The following CASTOR2 variants were observed in gnomAD, a reference collection of about 807,000 sequenced individuals.
CASTOR2 encodes the protein cytosolic arginine sensor for mTORC1 subunit 2.
CASTOR2 carries 8 observed loss-of-function variants against 31.2 expected under a neutral mutation model. The ratio of observed to expected loss-of-function variants is 0.26; its 90% CI spans 0.15 to 0.46. The LOEUF is 0.46. CASTOR2 is among the 20% of genes least tolerant of loss of function. The probability of loss-of-function intolerance (pLI) is 0.99; values close to 1 mark genes in which losing one functional copy is unlikely to be tolerated. For missense variants in CASTOR2, 216 were observed against 382.1 expected (o/e 0.57, Z 3.62); for synonymous variants, 162 against 158.7 (o/e 1.02, Z -0.16).
chr7:75,027,985 G>C lies in CASTOR2; in HGVS notation c.*3286G>C, dbSNP rs1337784491. ...GTTTCTCAGAGGGGCTCCATCCGCA[G>C]TTGCATGGAACTCCTTACCTGTTTG... On this transcript the variant is annotated 3_prime_UTR_variant, in exon 9 of 9. Transcript: ENST00000616305. 2.6e-6 allele frequency: 4 copies of C among 1,526,308 alleles called. No individual in the cohort carries two copies. The highest frequency in any genetic ancestry group is 1.4e-5 in the African/African-American group (1 of 72,806). 94.5% of individuals were successfully genotyped at this position (1,526,308 alleles called of 1,614,324 possible).
At chr7:75,012,952 G>A (rs1193704108) in intron 2 of CASTOR2, among the ~76,000 whole-genome samples, 2 of 152,156 alleles carry the variant, frequency 1.3e-5, no homozygotes, top group African/African-American at 4.8e-5. Flanking sequence ...CAGCCCACTG[G>A]CTAGTTTTTG....
Position 75,027,855 on chromosome 7 carries a change from G to C in CASTOR2, c.*3156G>C. ...GCTCTTCGGGGTGGGGTGTGAGTGT[G>C]GTTTTTCCCAGGCAGGGGCCGTCTG... On this transcript the variant is annotated 3_prime_UTR_variant, in exon 9 of 9. Transcript: ENST00000616305. 1.4e-6 allele frequency: 1 copy of C among 722,750 alleles called. No homozygotes were observed. The highest frequency in any genetic ancestry group is 2.4e-6 in the Non-Finnish European group (1 of 416,636). The allele number at this position is 722,750 out of a possible 1,614,324, so 44.8% of individuals were successfully genotyped here.
chr7:74,993,493 C>T (rs1804262077), intron 1 of CASTOR2, among the ~76,000 whole-genome samples: 1 of 136,098 alleles, frequency 7.3e-6, no homozygotes, highest in Non-Finnish European at 1.5e-5. Context: ...CTGTGTCACC[C>T]AGGCTGGAGT....
chr7:75,015,054 C>T (rs1804836401), intron 2 of CASTOR2, among the ~76,000 whole-genome samples: 1 of 152,248 alleles, frequency 6.6e-6, no homozygotes. Flanking sequence ...CACTGGCTGA[C>T]CACTGGTCCT....
chr7:75,018,494 G>A (rs1235630597), intron 4 of CASTOR2, among the ~76,000 whole-genome samples: 1 of 152,092 alleles, frequency 6.6e-6, no homozygotes, highest in African/African-American at 2.4e-5. Context: ...AGCCGAGATT[G>A]TGCCATTGCA....
Position 74,986,783 on chromosome 7 carries a change from C to A in CASTOR2, c.114-21211C>A, listed in dbSNP as rs1443518996. 3.9e-5 allele frequency among the ~76,000 whole-genome samples: 6 copies of A among 152,190 alleles called. No individual in the cohort carries two copies. In the East Asian group the frequency reaches 1.2e-3, roughly 29 times the overall value. ...TGGTTTGGCCAGGTGCAGTGGCTCA[C>A]GCCTGTCATCCCAGCACTTTGGGAG... On this transcript the variant is annotated intron_variant, in intron 1 of 8. Coordinates refer to ENST00000616305, the MANE Select transcript of CASTOR2 (RefSeq NM_001145064.3).
intron 2 of CASTOR2, among the ~76,000 whole-genome samples, chr7:75,010,670 C>T (rs1254389667): frequency 2.6e-5 from 4 of 152,090 alleles, no homozygotes; most frequent in African/African-American, 4.8e-5. Context: ...ACACAGGGAC[C>T]ACTGGGAAAG....
chr7:75,013,113 G>A (rs1804791392), intron 2 of CASTOR2, among the ~76,000 whole-genome samples: 1 of 152,208 alleles, frequency 6.6e-6, no homozygotes, highest in Non-Finnish European at 1.5e-5. Flanking sequence ...GGGAATGAAG[G>A]CCGGTGCCCT....
At chr7:75,020,791 A>AT (rs1409257278) in intron 6 of CASTOR2, among the ~76,000 whole-genome samples, 6 of 148,870 alleles carry the variant, frequency 4.0e-5, no homozygotes, top group South Asian at 2.1e-4. Context: ...AACCAGCCTG[A>AT]TTTTTTTTAT....
intron 1 of CASTOR2, among the ~76,000 whole-genome samples, chr7:74,997,965 T>A (rs1261568502): frequency 1.3e-5 from 2 of 152,092 alleles, no homozygotes; most frequent in African/African-American, 4.8e-5. Context: ...CAGGTTTTTG[T>A]TACTGAGAAC....
Position 75,028,959 on chromosome 7 carries a change from G to A in CASTOR2, c.*4260G>A, listed in dbSNP as rs1172013166. Among the ~76,000 whole-genome samples, 2 of 152,104 alleles carry A rather than the reference G, an allele frequency of 1.3e-5. No homozygotes were observed. The highest frequency in any genetic ancestry group is 4.8e-5 in the African/African-American group (2 of 41,420). ...CAGGCTGCTGGTGGGAAAGGAAGGAGCTGGGGGATCAGAGGCTTCCAGTGT... is the reference window on the plus strand; with the variant it reads ...CAGGCTGCTGGTGGGAAAGGAAGGAACTGGGGGATCAGAGGCTTCCAGTGT... On this transcript the variant is annotated 3_prime_UTR_variant, in exon 9 of 9. Transcript: ENST00000616305.
Position 75,018,999 on chromosome 7 carries a change from C to T in CASTOR2, c.539C>T (p.Ser180Phe). 1 of 1,552,010 alleles carries T rather than the reference C, an allele frequency of 6.4e-7. No individual in the cohort carries two copies. The highest frequency in any genetic ancestry group is 8.7e-7 in the Non-Finnish European group (1 of 1,147,076). The change falls in exon 5 of 9, where the codon TCC becomes TTC. Residue 180 changes from serine (S) to phenylalanine (F), a missense_variant. Physicochemically the swap from Ser to Phe is radical, Grantham distance 155 (BLOSUM62 -2). This residue lies in a region of CASTOR2 where 114 missense variants were observed against 194.2 expected (regional missense o/e 0.59). Coordinates refer to ENST00000616305, the MANE Select transcript of CASTOR2 (RefSeq NM_001145064.3). ...CAGAGGCCAGTCATCCACCCACTGT[C>T]CAGCCCGAGCAACAGGTTCTGTGTC... ...LVQRPVIHPL[S>F]SPSNRFCVTS... is the part of the protein sequence containing the mutation.
chr7:75,010,375 G>A (rs1181943486), intron 2 of CASTOR2, among the ~76,000 whole-genome samples: 1 of 152,156 alleles, frequency 6.6e-6, no homozygotes, highest in Non-Finnish European at 1.5e-5. Context: ...GCACTGGGGA[G>A]CCACTGAAGG....
rs1804895246 is a variant in CASTOR2, at chr7:75,017,603, C to T, written c.190C>T (p.Pro64Ser). ...CCTTCTGTGTCTCCCTCCAGAGCTGCCCTCCTCGGAGCACCTGAGTGTGGC... is the reference window on the plus strand; with the variant it reads ...CCTTCTGTGTCTCCCTCCAGAGCTGTCCTCCTCGGAGCACCTGAGTGTGGC... ...IVDEEGFLEL[P>S]SSEHLSVADA... The change falls in exon 3 of 9, where the codon CCC becomes TCC. Residue 64 changes from proline (P) to serine (S), a missense_variant. Pro to Ser is a moderately conservative substitution (Grantham distance 74). Around this residue, in one of 5 missense-constraint regions of CASTOR2, gnomAD observed 114 missense variants for 194.2 expected, o/e 0.59. Transcript: ENST00000616305. 6.2e-7 allele frequency: 1 copy of T among 1,613,812 alleles called. No individual in the cohort carries two copies. The highest frequency in any genetic ancestry group is 1.1e-5 in the South Asian group (1 of 91,070).
At chr7:74,971,977 A>T (rs1482028891) in intron 1 of CASTOR2, among the ~76,000 whole-genome samples, 1 of 150,450 alleles carries the variant, frequency 6.6e-6, no homozygotes, top group Non-Finnish European at 1.5e-5. Context: ...ATTAGTATGG[A>T]GACATCTCTT....
At chr7:74,989,768 A>T (rs1554437121) in intron 1 of CASTOR2, among the ~76,000 whole-genome samples, 1 of 152,060 alleles carries the variant, frequency 6.6e-6, no homozygotes, top group Non-Finnish European at 1.5e-5. Flanking sequence ...AGAAAATAGG[A>T]CATAATGTGT....
intron 1 of CASTOR2, among the ~76,000 whole-genome samples, chr7:74,995,390 T>TG (rs1804317262): frequency 6.6e-6 from 1 of 150,520 alleles, no homozygotes; most frequent in African/African-American, 2.4e-5. Flanking sequence ...GCACAGTGGC[T>TG]GACACAGTGG....
intron 1 of CASTOR2, among the ~76,000 whole-genome samples, chr7:74,975,743 G>A (rs1181629520): frequency 7.3e-6 from 1 of 137,512 alleles, no homozygotes; most frequent in Non-Finnish European, 1.6e-5. Flanking sequence ...TCCTTTAAAT[G>A]TCTGTCTTGG....
At chr7:75,002,136 G>T (rs1248085561) in intron 1 of CASTOR2, among the ~76,000 whole-genome samples, 1 of 151,610 alleles carries the variant, frequency 6.6e-6, no homozygotes, top group African/African-American at 2.4e-5. Context: ...ATGTTGGCCA[G>T]ACTGGTCTCA....
Sources: gnomAD v4.1 joint callset for allele counts (sites outside exome capture counted in the v4.1 genomes callset) on GRCh38, gnomAD v4.1.1 for gene constraint, gnomAD v4.1.1 regional missense constraint, MANE v1.5 for transcripts, NCBI Gene and HGNC (gene_info 2026-07-23, HGNC 2026-07-21) for gene names.